MAPK8IP1: variants seen among roughly 807,000 people sequenced by gnomAD.
MAPK8IP1 encodes C-Jun-amino-terminal kinase-interacting protein 1.
MAPK8IP1 carries 17 observed loss-of-function variants against 72.6 expected under a neutral mutation model. That is an observed-to-expected ratio of 0.23 (90% CI 0.16 to 0.35). The LOEUF is 0.35. Among genes scored for constraint, MAPK8IP1 ranks in the 10% least tolerant of loss-of-function variants. The pLI, the probability that MAPK8IP1 is intolerant of heterozygous loss-of-function variation, is 1.00. For missense variants in MAPK8IP1, 789 were observed against 1,009.7 expected (o/e 0.78, Z 2.96); for synonymous variants, 401 against 443.4 (o/e 0.90, Z 1.20).
Position 45,900,432 on chromosome 11 carries a change from C to G in MAPK8IP1, c.502C>G (p.Pro168Ala), listed in dbSNP as rs991127635. Reference sequence around the variant, plus strand: ...GCGGCCCACCACGCTCAACCTCTTTCCGCAGGTGCCGCGGTCTCAGGTGAG... The same window carrying G: ...GCGGCCCACCACGCTCAACCTCTTTGCGCAGGTGCCGCGGTCTCAGGTGAG... ...PKRPTTLNLFPQVPRSQDTLN... is the reference protein window; with the variant it reads ...PKRPTTLNLFAQVPRSQDTLN... Residue 168 changes from proline (P) to alanine (A), a missense_variant, in exon 3 of 12, where the codon CCG becomes GCG. This residue lies in a region of MAPK8IP1 where 112 missense variants were observed against 192.8 expected (regional missense o/e 0.58). Coordinates refer to ENST00000241014, the MANE Select transcript of MAPK8IP1 (RefSeq NM_005456.4). This position sits in a 1 kb window ranked among gnomAD's most constrained non-coding sequence, Gnocchi z 6.5. The G allele has an allele frequency of 3.9e-6, 6 of 1,532,238 alleles. No homozygotes were observed. The highest frequency in any genetic ancestry group is 2.0e-5 in the Admixed American group (1 of 50,892). 94.9% of individuals were successfully genotyped at this position (1,532,238 alleles called of 1,614,324 possible). A position where few individuals can be genotyped will look rare whatever the true frequency, so the allele number is the denominator to read the frequency against.
At chr11:45,898,305 A>C in intron 2 of MAPK8IP1, 115 bp downstream of exon 2, 1 of 694,086 alleles carries the variant, frequency 1.4e-6, no homozygotes, top group South Asian at 1.5e-5. Context: ...CACCCTCATG[A>C]AATGAAATGA....
At chr11:45,888,662 G>A (rs1396098967) in intron 1 of MAPK8IP1, among the ~76,000 whole-genome samples, 1 of 152,032 alleles carries the variant, frequency 6.6e-6, no homozygotes, top group Non-Finnish European at 1.5e-5. Context: ...TTTGGGTATG[G>A]TATGGGGTGA....
chr11:45,904,935 G>A lies in MAPK8IP1; in HGVS notation c.1894-36G>A, dbSNP rs754495644. 16 of 1,610,022 alleles carry A rather than the reference G, an allele frequency of 9.9e-6. No homozygotes were observed. Among genetic ancestry groups the A allele is most frequent in the South Asian group, 5.5e-5 (5 of 91,000 alleles). On this transcript the variant is annotated intron_variant, in intron 9 of 11. Transcript: ENST00000241014. The surrounding 1 kb of genome is among the most constrained non-coding windows in gnomAD (Gnocchi z 6.4). ...TCCTGTCACCCTCACTGCAGGCCAG[G>A]TGACCGCCCTCTTGCTTCTTTTCTC...
In MAPK8IP1 at chr11:45,902,512, G is replaced by T. The variant is rs1293990051; in HGVS notation, c.745G>T (p.Gly249Cys). Residue 249 changes from glycine to cysteine, a missense_variant, in exon 5 of 12, where the codon GGT (glycine) becomes TGT (cysteine). Physicochemically the swap from Gly to Cys is radical, Grantham distance 159. Around this residue, in one of 4 missense-constraint regions of MAPK8IP1, gnomAD observed 377 missense variants for 411.7 expected, o/e 0.92. Coordinates refer to ENST00000241014, the MANE Select transcript of MAPK8IP1 (RefSeq NM_005456.4). This position sits in a 1 kb window ranked among gnomAD's most constrained non-coding sequence, Gnocchi z 9.3. ...RSTATQMAPP[G>C]GPPAAPPGGR... ...CACAGCCACCCAGATGGCACCTCCGGGTGGTCCCCCTGCTGCCCCGCCTGG... is the reference window on the plus strand; with the variant it reads ...CACAGCCACCCAGATGGCACCTCCGTGTGGTCCCCCTGCTGCCCCGCCTGG... The T allele has an allele frequency of 1.9e-6, 3 of 1,610,064 alleles. No homozygotes were observed. The highest frequency in any genetic ancestry group is 1.7e-4 in the Middle Eastern group (1 of 6,060).
chr11:45,893,469 G>T (rs2086581503), intron 1 of MAPK8IP1, among the ~76,000 whole-genome samples: 1 of 152,192 alleles, frequency 6.6e-6, no homozygotes, highest in Admixed American at 6.5e-5. Flanking sequence ...GGGATCAGGT[G>T]AATGCAGGAA....
intron 1 of MAPK8IP1, among the ~76,000 whole-genome samples, chr11:45,886,192 G>A (rs1018949850): frequency 3.9e-5 from 6 of 152,240 alleles, no homozygotes; most frequent in African/African-American, 1.2e-4. Flanking sequence ...AGGGGGCTCG[G>A]AGGCCTCCTT....
rs2086523575 is a variant in MAPK8IP1 at position 45,885,938 on chromosome 11, G to A, written c.101+17G>A. The A allele has an allele frequency of 1.4e-6, 2 of 1,454,344 alleles. No individual in the cohort carries two copies. Among genetic ancestry groups the A allele is most frequent in the South Asian group, 1.3e-5 (1 of 74,782 alleles). The allele number at this position is 1,454,344 out of a possible 1,614,324, so 90.1% of individuals were successfully genotyped here. A position where few individuals can be genotyped will look rare whatever the true frequency, so the allele number is the denominator to read the frequency against. On this transcript the variant is annotated intron_variant, in intron 1 of 11. Coordinates refer to ENST00000241014, the MANE Select transcript of MAPK8IP1 (RefSeq NM_005456.4). ...CAATTTCAGGTGAGAGTCCCCGGCC[G>A]CCGCGCGCCTCGCCCTTCAGCGGGG...
rs758261945 is a variant in MAPK8IP1, at chr11:45,903,928, G to T, written c.1494-61G>T. 2.7e-5 allele frequency: 40 copies of T among 1,494,462 alleles called. No individual in the cohort carries two copies. Among genetic ancestry groups the T allele is most frequent in the Non-Finnish European group, 3.3e-5 (35 of 1,075,664 alleles). 92.6% of individuals were successfully genotyped at this position (1,494,462 alleles called of 1,614,324 possible). ...ATGCTGCTGTGGCTCCCAGACCCCA[G>T]AGTAGGCCTGGCTGGACAGGCCTTG... On this transcript the variant is annotated intron_variant, in intron 6 of 11. Transcript: ENST00000241014. This position sits in a 1 kb window ranked among gnomAD's most constrained non-coding sequence, Gnocchi z 6.4.
chr11:45,903,101 A>G lies in MAPK8IP1; in HGVS notation c.1334A>G (p.Glu445Gly). The change falls in exon 5 of 12, where the codon GAG becomes GGG. Residue 445 changes from glutamate to glycine, a missense_variant. This residue lies in a region of MAPK8IP1 where 377 missense variants were observed against 411.7 expected (regional missense o/e 0.92). Transcript: ENST00000241014. This position sits in a 1 kb window ranked among gnomAD's most constrained non-coding sequence, Gnocchi z 6.4. ...CCCCAGCCCCCTGCCTGCCTCTCCG[A>G]GGACTCCACGCCTGATGAACCCGAC... ...PRPQPPACLS[E>G]DSTPDEPDVH... 1 of 1,611,506 alleles carries G rather than the reference A, an allele frequency of 6.2e-7. No individual in the cohort carries two copies. The highest frequency in any genetic ancestry group is 8.5e-7 in the Non-Finnish European group (1 of 1,179,936).
chr11:45,898,808 A>T (rs1213583156), intron 2 of MAPK8IP1, among the ~76,000 whole-genome samples: 1 of 152,206 alleles, frequency 6.6e-6, no homozygotes, highest in African/African-American at 2.4e-5. Flanking sequence ...GTCCCTAAAG[A>T]TCTGAATGCT....
At position 45,906,451 on chromosome 11, in the gene MAPK8IP1, C is replaced by T; in HGVS notation, c.*730C>T. 1.5e-6 allele frequency: 2 copies of T among 1,314,802 alleles called. No individual in the cohort carries two copies. The highest frequency in any genetic ancestry group is 3.7e-5 in the South Asian group (2 of 54,628). 81.4% of individuals were successfully genotyped at this position (1,314,802 alleles called of 1,614,324 possible). A position where few individuals can be genotyped will look rare whatever the true frequency, so the allele number is the denominator to read the frequency against. On this transcript the variant is annotated 3_prime_UTR_variant, in exon 12 of 12. Transcript: ENST00000241014. ...ACCCTGGCCCCAACTATTAAAGTGC[C>T]ATTTCCTGTCTGGACTGCAGTGGAT...
In MAPK8IP1 at chr11:45,904,430, T is replaced by G. The variant is rs1340463857; in HGVS notation, c.1667-25T>G. ...AGCTCCCTCCTGCTCTTTCTGCCCC[T>G]CCTCAATTCACGCTTGCTTTCCAGC... On this transcript the variant is annotated intron_variant, in intron 7 of 11. Coordinates refer to ENST00000241014, the MANE Select transcript of MAPK8IP1 (RefSeq NM_005456.4). The surrounding 1 kb of genome is among the most constrained non-coding windows in gnomAD (Gnocchi z 6.4). 6.3e-7 allele frequency: 1 copy of G among 1,588,082 alleles called. No homozygotes were observed. Among genetic ancestry groups the G allele is most frequent in the Non-Finnish European group, 8.6e-7 (1 of 1,157,396 alleles).
At chr11:45,894,084 T>C (rs1183961878) in intron 1 of MAPK8IP1, among the ~76,000 whole-genome samples, 2 of 152,140 alleles carry the variant, frequency 1.3e-5, no homozygotes, top group Non-Finnish European at 2.9e-5. Context: ...CTGAGGTGGG[T>C]GGGCAGGGAT....
chr11:45,903,583 A>G lies in MAPK8IP1; in HGVS notation c.1493+143A>G. On this transcript the variant is annotated intron_variant, in intron 6 of 11. Coordinates refer to ENST00000241014, the MANE Select transcript of MAPK8IP1 (RefSeq NM_005456.4). The surrounding 1 kb of genome is among the most constrained non-coding windows in gnomAD (Gnocchi z 6.4). ...ACTCAGCCCTGGGAGGACAGTGTCC[A>G]CTCTCTAGGGACTCAGAGTATGGTG... 1 of 748,420 alleles carries G rather than the reference A, an allele frequency of 1.3e-6. No individual in the cohort carries two copies. Among genetic ancestry groups the G allele is most frequent in the East Asian group, 2.7e-5 (1 of 37,284 alleles). The allele number at this position is 748,420 out of a possible 1,614,324, so 46.4% of individuals were successfully genotyped here.
In MAPK8IP1 at chr11:45,904,585, C is replaced by T. The variant is rs2086687526; in HGVS notation, c.1776+21C>T. The T allele has an allele frequency of 1.2e-6, 2 of 1,611,088 alleles. No individual in the cohort carries two copies. On this transcript the variant is annotated intron_variant, in intron 8 of 11. Transcript: ENST00000241014. This position sits in a 1 kb window ranked among gnomAD's most constrained non-coding sequence, Gnocchi z 6.4. ...AAAAGGTACCTGAGCCCTCTCCCTTCTCCTCCCTTGGATGGGTCCCTGGGG... is the reference window on the plus strand; with the variant it reads ...AAAAGGTACCTGAGCCCTCTCCCTTTTCCTCCCTTGGATGGGTCCCTGGGG...
Position 45,904,144 on chromosome 11 carries a change from A to G in MAPK8IP1, c.1649A>G (p.Glu550Gly). The change falls in exon 7 of 12, where the codon GAG becomes GGG. Residue 550 changes from glutamate (E) to glycine (G), a missense_variant. By Grantham distance (98) the Glu-to-Gly change is moderately conservative. Around this residue, in one of 4 missense-constraint regions of MAPK8IP1, gnomAD observed 188 missense variants for 293.3 expected, o/e 0.64. Transcript: ENST00000241014. The surrounding 1 kb of genome is among the most constrained non-coding windows in gnomAD (Gnocchi z 6.4). Reference protein sequence around the residue: ...PAYYAIEVTKEPEHMAALAKN... With the variant: ...PAYYAIEVTKGPEHMAALAKN... The stretch of plus-strand genomic sequence containing the variant: ...TATTACGCCATCGAGGTCACCAAGG[A>G]GCCCGAGCACATGGCAGGTAGTGTT... 1 of 1,613,924 alleles carries G rather than the reference A, an allele frequency of 6.2e-7. No individual in the cohort carries two copies.
rs2086637245 is a variant in MAPK8IP1 at position 45,900,010 on chromosome 11, G to A, written c.208-128G>A. ...GGGCGAGAGCGCCCCAGTCTCCGGCGGCCCCTGCTCGGCTCCCCTCGTGCC... is the reference window on the plus strand; with the variant it reads ...GGGCGAGAGCGCCCCAGTCTCCGGCAGCCCCTGCTCGGCTCCCCTCGTGCC... On this transcript the variant is annotated intron_variant, in intron 2 of 11. Transcript: ENST00000241014. This position sits in a 1 kb window ranked among gnomAD's most constrained non-coding sequence, Gnocchi z 6.5. 3 of 497,776 alleles carry A rather than the reference G, an allele frequency of 6.0e-6. No homozygotes were observed. The highest frequency in any genetic ancestry group is 5.7e-6 in the Non-Finnish European group (2 of 351,520). 30.8% of individuals were successfully genotyped at this position (497,776 alleles called of 1,614,324 possible).
chr11:45,905,527 C>T, intron 11 of MAPK8IP1, 122 bp from the exon 12 acceptor site: 1 of 916,102 alleles, frequency 1.1e-6, no homozygotes, highest in Non-Finnish European at 1.8e-6. Context: ...CAAGTGGCCC[C>T]AGCCAGAGGA....
chr11:45,897,210 C>G (rs529731813), intron 1 of MAPK8IP1, among the ~76,000 whole-genome samples: 1 of 152,106 alleles, frequency 6.6e-6, no homozygotes, highest in East Asian at 1.9e-4. Flanking sequence ...CCACCACCCC[C>G]CCAGCAAGCC....
Sources: allele counts gnomAD v4.1 joint callset (sites outside exome capture counted in the v4.1 genomes callset), GRCh38; gene constraint gnomAD v4.1.1; regional missense constraint gnomAD v4.1.1; non-coding constraint Gnocchi (gnomAD v3.1); transcripts MANE v1.5; gene names NCBI Gene and HGNC (gene_info 2026-07-23, HGNC 2026-07-21).